IFNG-AS1: variants seen among roughly 807,000 people sequenced by gnomAD.
IFNG-AS1 encodes IFNG regulatory antisense RNA 1.
chr12:68,000,658 C>G (rs1277220310), intron 2 of IFNG-AS1, among the ~76,000 whole-genome samples: 1 of 151,980 alleles, frequency 6.6e-6, no homozygotes, highest in Non-Finnish European at 1.5e-5. Context: ...GGCCACGGAA[C>G]AAGGCCTTGT....
At chr12:68,001,508 GC>G in intron 2 of IFNG-AS1, 1 of 245,618 alleles carries the variant, frequency 4.1e-6, no homozygotes. Context: ...TTGTTTCTTG[GC>G]CAGAAATCGC....
chr12:68,005,033 T>A (rs527636503), intron 2 of IFNG-AS1, among the ~76,000 whole-genome samples: 14 of 152,316 alleles, frequency 9.2e-5, no homozygotes, highest in African/African-American at 3.4e-4. Flanking sequence ...TATAGTCTCC[T>A]AAAGCAATCA....
intron 2 of IFNG-AS1, among the ~76,000 whole-genome samples, chr12:68,005,680 T>C (rs1879890450): frequency 6.6e-6 from 1 of 152,174 alleles, no homozygotes; most frequent in African/African-American, 2.4e-5. Context: ...CCCTTGCCCT[T>C]ATACTTGACA....
chr12:68,013,705 A>C (rs1191550454), intron 3 of IFNG-AS1: 1 of 152,212 alleles, frequency 6.6e-6, no homozygotes, highest in African/African-American at 2.4e-5. Context: ...CCTCCATTTC[A>C]TAGGTAGGCC....
chr12:67,991,494 C>T (rs1237537488), intron 1 of IFNG-AS1, among the ~76,000 whole-genome samples: 2 of 152,144 alleles, frequency 1.3e-5, no homozygotes, highest in African/African-American at 2.4e-5. Context: ...GACAGACCCC[C>T]GATGCACATG....
At chr12:67,990,598 CTT>C (rs34563503) in intron 1 of IFNG-AS1, among the ~76,000 whole-genome samples, 16,996 of 147,920 alleles carry the variant, frequency 0.11, 1,638 homozygotes, top group East Asian at 0.53. Context: ...TACATTAATA[CTT>C]TTTTTTTTTT....
intron 3 of IFNG-AS1, among the ~76,000 whole-genome samples, chr12:68,016,477 T>G (rs1489481240): frequency 1.3e-5 from 2 of 152,164 alleles, no homozygotes; most frequent in Non-Finnish European, 2.9e-5. Context: ...CTGGTGTCGC[T>G]ATGTTCGAGG....
intron 3 of IFNG-AS1, among the ~76,000 whole-genome samples, chr12:68,016,254 C>T (rs1880154212): frequency 1.3e-5 from 2 of 152,140 alleles, no homozygotes; most frequent in African/African-American, 4.8e-5. Context: ...TCATGCTCCA[C>T]ATAGTGGAAC....
At chr12:68,000,413 C>T (rs1029342975) in intron 2 of IFNG-AS1, among the ~76,000 whole-genome samples, 5 of 152,106 alleles carry the variant, frequency 3.3e-5, no homozygotes, top group Admixed American at 6.5e-5. Context: ...GTAATCTCAG[C>T]ATTTTGGGAG....
intron 3 of IFNG-AS1, among the ~76,000 whole-genome samples, chr12:68,007,406 C>G (rs916630574): frequency 6.6e-6 from 1 of 152,102 alleles, no homozygotes; most frequent in East Asian, 1.9e-4. Flanking sequence ...GAATGTCATC[C>G]TAATATAAAC....
intron 1 of IFNG-AS1, among the ~76,000 whole-genome samples, chr12:67,994,441 AC>A (rs1373473384): frequency 6.6e-6 from 1 of 152,224 alleles, no homozygotes; most frequent in East Asian, 1.9e-4. Flanking sequence ...AGTTCCTATT[AC>A]ATCTATTATA....
chr12:68,015,263 C>T (rs180958140), intron 3 of IFNG-AS1, among the ~76,000 whole-genome samples: 35 of 152,176 alleles, frequency 2.3e-4, no homozygotes, highest in South Asian at 1.3e-3. Context: ...AAAAGTAAGG[C>T]CACAGAAGGA....
chr12:68,005,242 T>C (rs1879879083), intron 2 of IFNG-AS1, among the ~76,000 whole-genome samples: 1 of 152,178 alleles, frequency 6.6e-6, no homozygotes, highest in African/African-American at 2.4e-5. Context: ...TGAAACCAAT[T>C]TGAGTTAAAA....
chr12:68,006,495 T>C (rs1879908662), intron 3 of IFNG-AS1, among the ~76,000 whole-genome samples: 1 of 152,122 alleles, frequency 6.6e-6, no homozygotes. Context: ...GACATACCCA[T>C]TGCGCTATTG....
intron 3 of IFNG-AS1, among the ~76,000 whole-genome samples, chr12:68,015,061 C>T (rs1286286672): frequency 1.3e-5 from 2 of 151,930 alleles, no homozygotes; most frequent in African/African-American, 4.8e-5. Context: ...AAAGCATTTT[C>T]CTAGCCCAGG....
intron 3 of IFNG-AS1, among the ~76,000 whole-genome samples, chr12:68,016,795 G>A (rs1027043653): frequency 4.6e-5 from 7 of 151,970 alleles, no homozygotes; most frequent in South Asian, 2.1e-4. Flanking sequence ...AAATCCAATC[G>A]CTTCTTTTCT....
intron 3 of IFNG-AS1, among the ~76,000 whole-genome samples, chr12:68,007,804 A>G (rs1400953967): frequency 6.6e-6 from 1 of 152,214 alleles, no homozygotes; most frequent in East Asian, 1.9e-4. Context: ...AATAGGAGGC[A>G]GAGATAGAGA....
At chr12:68,020,072 AG>A (rs895551121) in intron 4 of IFNG-AS1, 4 of 152,184 alleles carry the variant, frequency 2.6e-5, no homozygotes, top group African/African-American at 9.7e-5. Flanking sequence ...AACTCACAAA[AG>A]ATTAGAAAAG....
intron 1 of IFNG-AS1, among the ~76,000 whole-genome samples, chr12:67,991,681 T>G (rs1370672473): frequency 6.6e-6 from 1 of 152,228 alleles, no homozygotes; most frequent in Non-Finnish European, 1.5e-5. Context: ...CTTTGGCTTC[T>G]CCGCACCAGG....
Sources: allele counts gnomAD v4.1 joint callset (sites outside exome capture counted in the v4.1 genomes callset), GRCh38; gene constraint gnomAD v4.1.1; transcripts MANE v1.5; gene names NCBI Gene and HGNC (gene_info 2026-07-23, HGNC 2026-07-21).